HTR4: variants seen among roughly 807,000 people sequenced by gnomAD.
HTR4 encodes 5-hydroxytryptamine receptor 4.
In HTR4, 16 loss-of-function variants were observed where a neutral mutation model predicts 36.8. That is an observed-to-expected ratio of 0.43 (90% CI 0.29 to 0.66). The LOEUF (loss-of-function observed/expected upper bound fraction) is 0.66. Ranked by LOEUF, HTR4 falls within the 30% of genes least tolerant of loss-of-function variation. HTR4 has a pLI of 0.13. For synonymous variants in HTR4, 189 were observed against 185.1 expected, an observed-to-expected ratio of 1.02 and a Z score of -0.17; for missense variants, 438 against 490.9, an observed-to-expected ratio of 0.89 and a Z score of 1.02.
chr5:148,556,266 T>C (rs1759948073), intron 2 of HTR4, among the ~76,000 whole-genome samples: 1 of 152,132 alleles, frequency 6.6e-6, no homozygotes, highest in East Asian at 1.9e-4. Flanking sequence ...TCAGGTGATC[T>C]GCCCGCCTCG....
At chr5:148,600,335 A>G (rs1761939851) in intron 2 of HTR4, among the ~76,000 whole-genome samples, 1 of 141,320 alleles carries the variant, frequency 7.1e-6, no homozygotes, top group East Asian at 2.0e-4. Context: ...TATGTATATT[A>G]TTTATATATA....
At chr5:148,640,685 G>T (rs950900860) in intron 1 of HTR4, among the ~76,000 whole-genome samples, 6 of 152,166 alleles carry the variant, frequency 3.9e-5, no homozygotes, top group Non-Finnish European at 8.8e-5. Context: ...CCTTAAGCCA[G>T]TTTGAGTTGT....
At chr5:148,510,775 G>C (rs1235181619) in intron 5 of HTR4, among the ~76,000 whole-genome samples, 1 of 152,182 alleles carries the variant, frequency 6.6e-6, no homozygotes, top group African/African-American at 2.4e-5. Flanking sequence ...CCTGATGAAG[G>C]TTTGTCTCAT....
In HTR4 at chr5:148,550,388, C is replaced by T. The variant is rs578120546; in HGVS notation, c.27-126G>A. 6.4e-4 allele frequency: 692 copies of T among 1,075,706 alleles called. 4 individuals are homozygous for T. Among genetic ancestry groups the T allele is most frequent in the Middle Eastern group, 2.3e-3 (11 of 4,882 alleles). 66.6% of individuals were successfully genotyped at this position (1,075,706 alleles called of 1,614,324 possible). A position where few individuals can be genotyped will look rare whatever the true frequency, so the allele number is the denominator to read the frequency against. ...ATCAGCTGATGACACATATATTTAT[C>T]ATGCGTTTAATGTACACCAAAATCT... On this transcript the variant is annotated intron_variant, in intron 2 of 6. Coordinates refer to ENST00000377888, the MANE Select transcript of HTR4 (RefSeq NM_000870.7).
intron 2 of HTR4, among the ~76,000 whole-genome samples, chr5:148,552,576 A>T (rs1169046450): frequency 1.3e-5 from 2 of 152,192 alleles, no homozygotes; most frequent in African/African-American, 4.8e-5. Flanking sequence ...TCTTCCTGGA[A>T]TGATTCTTCA....
chr5:148,469,531 T>A (rs1456724586), intron 5 of HTR4, among the ~76,000 whole-genome samples: 1 of 152,226 alleles, frequency 6.6e-6, no homozygotes, highest in East Asian at 1.9e-4. Context: ...AGTGGCAGTC[T>A]GAGTCCTGGC....
rs370546908 is a variant in HTR4 at position 148,613,630 on chromosome 5, T to A, written c.26+23359A>T. Reference sequence around the variant, plus strand: ...CTTTGAAAACTGGCACAAGACAGGGTTGCCCTCTCTCACCACTCCTATTCA... The same window carrying A: ...CTTTGAAAACTGGCACAAGACAGGGATGCCCTCTCTCACCACTCCTATTCA... On this transcript the variant is annotated intron_variant, in intron 2 of 6. Coordinates refer to ENST00000377888, the MANE Select transcript of HTR4 (RefSeq NM_000870.7). 9.4e-3 allele frequency among the ~76,000 whole-genome samples: 1,396 copies of A among 148,262 alleles called. 26 individuals are homozygous for A. Among genetic ancestry groups the A allele is most frequent in the East Asian group, 0.067 (307 of 4,584 alleles).
chr5:148,602,592 G>A (rs1762038728), intron 2 of HTR4, among the ~76,000 whole-genome samples: 1 of 152,134 alleles, frequency 6.6e-6, no homozygotes, highest in Admixed American at 6.5e-5. Flanking sequence ...TAAGAAGCTA[G>A]AAATTGAAAA....
intron 4 of HTR4, among the ~76,000 whole-genome samples, chr5:148,540,407 T>C (rs1429006324): frequency 9.9e-4 from 28 of 28,406 alleles, no homozygotes; most frequent in Non-Finnish European, 3.5e-3. Context: ...TGTGTATATA[T>C]ATATATATAT....
At chr5:148,516,301 A>T (rs1290777346) in intron 5 of HTR4, among the ~76,000 whole-genome samples, 1 of 147,962 alleles carries the variant, frequency 6.8e-6, no homozygotes, top group East Asian at 2.0e-4. Context: ...ATTTCCATTC[A>T]ATTCCCCCCT....
chr5:148,479,172 G>C (rs1007948775), downstream of HTR4, among the ~76,000 whole-genome samples: 1 of 152,134 alleles, frequency 6.6e-6, no homozygotes, highest in Non-Finnish European at 1.5e-5. Context: ...TGTCATAGAG[G>C]TTTGTCTTAT....
intron 6 of HTR4, among the ~76,000 whole-genome samples, chr5:148,503,515 T>C (rs1335904982): frequency 6.6e-6 from 1 of 152,008 alleles, no homozygotes; most frequent in Non-Finnish European, 1.5e-5. Context: ...AAAGGAACAA[T>C]CAGTACCAGC....
At chr5:148,555,602 T>A (rs982475418) in intron 2 of HTR4, among the ~76,000 whole-genome samples, 4 of 152,178 alleles carry the variant, frequency 2.6e-5, no homozygotes, top group Admixed American at 2.6e-4. Context: ...CCTCAAGCAA[T>A]CCTGTCAACC....
chr5:148,654,042 G>A lies in HTR4; in HGVS notation c.-48+20C>T, dbSNP rs988659185. ...GTGGGCTCCTGGGGTCCCGACCCCC[G>A]GCGCACTTGCCGCACATACCCGCTG... is the stretch of plus-strand genomic sequence containing the variant. On this transcript the variant is annotated intron_variant, in intron 1 of 6. Transcript: ENST00000377888. 5.1e-6 allele frequency: 5 copies of A among 984,772 alleles called. No individual in the cohort carries two copies. Among genetic ancestry groups the A allele is most frequent in the East Asian group, 1.1e-4 (1 of 8,736 alleles). The allele number at this position is 984,772 out of a possible 1,614,324, so 61.0% of individuals were successfully genotyped here.
At chr5:148,462,864 TC>T in intron 5 of HTR4, among the ~76,000 whole-genome samples, 2 of 152,110 alleles carry the variant, frequency 1.3e-5, no homozygotes, top group East Asian at 3.9e-4. Flanking sequence ...CTTTTGAAAA[TC>T]AATTAAGTAA....
intron 5 of HTR4, among the ~76,000 whole-genome samples, chr5:148,511,698 G>A (rs953174542): frequency 1.4e-5 from 2 of 146,744 alleles, no homozygotes; most frequent in Admixed American, 1.4e-4. Flanking sequence ...GACTGAAATT[G>A]CTGTATCATA....
intron 5 of HTR4, among the ~76,000 whole-genome samples, chr5:148,462,227 G>T (rs1755294703): frequency 6.6e-6 from 1 of 151,820 alleles, no homozygotes; most frequent in South Asian, 2.1e-4. Flanking sequence ...AAAACAAAAA[G>T]CTAGTTCTTT....
chr5:148,582,775 C>T lies in HTR4; in HGVS notation c.27-32513G>A, dbSNP rs182371792. On this transcript the variant is annotated intron_variant, in intron 2 of 6. Transcript: ENST00000377888. ...TATAAGAATACTTGTGATTTTTGTA[C>T]GTTGATTTTGTATCCTGAGACTTTG... Among the ~76,000 whole-genome samples, 918 of 152,154 alleles carry T rather than the reference C, an allele frequency of 6.0e-3. 11 individuals carry two copies. Among genetic ancestry groups the T allele is most frequent in the African/African-American group, 0.021 (859 of 41,498 alleles).
At chr5:148,517,291 CTGTA>C (rs1262802214) in intron 5 of HTR4, among the ~76,000 whole-genome samples, 4 of 152,050 alleles carry the variant, frequency 2.6e-5, no homozygotes, top group Non-Finnish European at 5.9e-5. Context: ...CTCTTCTATT[CTGTA>C]TCTACCTGCA....
Sources: gnomAD v4.1 joint callset for allele counts (sites outside exome capture counted in the v4.1 genomes callset) on GRCh38, gnomAD v4.1.1 for gene constraint, MANE v1.5 for transcripts, NCBI Gene and HGNC (gene_info 2026-07-23, HGNC 2026-07-21) for gene names.